CREG2: variants seen among roughly 807,000 people sequenced by gnomAD.
CREG2 encodes cellular repressor of E1A stimulated genes 2, also known as protein CREG2.
A neutral mutation model predicts 26.2 loss-of-function variants in CREG2; 24 were observed. The ratio of observed to expected loss-of-function variants is 0.92; its 90% CI spans 0.66 to 1.29. The LOEUF (loss-of-function observed/expected upper bound fraction) is 1.29. Ranked by LOEUF, CREG2 falls within the 50% of genes most tolerant of loss-of-function variation. CREG2 has a pLI of 0.00. For missense variants in CREG2, 366 were observed against 398.6 expected (o/e 0.92, Z 0.70); for synonymous variants, 174 against 169.2 (o/e 1.03, Z -0.22).
chr2:101,355,886 T>G (rs1684450661), intron 2 of CREG2, among the ~76,000 whole-genome samples: 1 of 152,134 alleles, frequency 6.6e-6, no homozygotes, highest in African/African-American at 2.4e-5. Context: ...TTTTAGTGGT[T>G]GCCGTCAGTG....
chr2:101,359,945 G>T (rs1377084148), intron 2 of CREG2, among the ~76,000 whole-genome samples: 1 of 152,136 alleles, frequency 6.6e-6, no homozygotes, highest in African/African-American at 2.4e-5. Context: ...GCAACTTTAG[G>T]TCTGCAATCT....
rs1418148827 is a variant in CREG2, at chr2:101,349,422, A to C, written c.*1501T>G. 2.0e-5 allele frequency: 3 copies of C among 152,802 alleles called. No individual in the cohort carries two copies. The highest frequency in any genetic ancestry group is 4.4e-5 in the Non-Finnish European group (3 of 68,036). The allele number at this position is 152,802 out of a possible 1,614,324, so 9.5% of individuals were successfully genotyped here. A position where few individuals can be genotyped will look rare whatever the true frequency, so the allele number is the denominator to read the frequency against. On this transcript the variant is annotated 3_prime_UTR_variant, in exon 4 of 4. Coordinates refer to ENST00000324768, the MANE Select transcript of CREG2 (RefSeq NM_153836.4). ...CTCGTCGTATGTTATTTTGTTAAGCAAAAGTTCATAATCATTAATAACACT... is the reference window on the plus strand; with the variant it reads ...CTCGTCGTATGTTATTTTGTTAAGCCAAAGTTCATAATCATTAATAACACT...
chr2:101,365,926 C>G (rs1356696956), intron 2 of CREG2, among the ~76,000 whole-genome samples: 1 of 152,118 alleles, frequency 6.6e-6, no homozygotes, highest in Non-Finnish European at 1.5e-5. Flanking sequence ...TGGTCATTCA[C>G]CCAATTGTTC....
At position 101,348,088 on chromosome 2, in the gene CREG2, T is replaced by C. The variant is rs1684329595; in HGVS notation, c.*2835A>G. 6.6e-6 allele frequency: 1 copy of C among 152,234 alleles called. No homozygotes were observed. The highest frequency in any genetic ancestry group is 2.4e-5 in the African/African-American group (1 of 41,470). The allele number at this position is 152,234 out of a possible 1,614,324, so 9.4% of individuals were successfully genotyped here. ...CTCTGTTGAATTAGTTTTGTACTTT[T>C]GTAAAAGAAAATCAGTTGAGCATAT... On this transcript the variant is annotated 3_prime_UTR_variant, in exon 4 of 4. Coordinates refer to ENST00000324768, the MANE Select transcript of CREG2 (RefSeq NM_153836.4).
chr2:101,360,689 G>A (rs1456335734), intron 2 of CREG2, among the ~76,000 whole-genome samples: 1 of 151,224 alleles, frequency 6.6e-6, no homozygotes, highest in African/African-American at 2.4e-5. Context: ...AGCGAGCAGA[G>A]ATTGTACCAC....
intron 3 of CREG2, among the ~76,000 whole-genome samples, chr2:101,352,534 G>A (rs151123748): frequency 7.2e-5 from 11 of 152,324 alleles, no homozygotes; most frequent in African/African-American, 1.7e-4. Flanking sequence ...CTGGCTGGGC[G>A]TAGTGGTTCA....
rs1056863180 is a variant in CREG2 at position 101,380,955 on chromosome 2, G to C, written c.611+2578C>G. On this transcript the variant is annotated intron_variant, in intron 2 of 3. Transcript: ENST00000324768. ...GAGACTCCATCTCAAAAAAAAAAAT[G>C]CTGTTGCAAGTTTTCCAGTGCACAG... Among the ~76,000 whole-genome samples the C allele has an allele frequency of 2.0e-5, 3 of 150,280 alleles. No homozygotes were observed. In the South Asian group the frequency reaches 6.4e-4, roughly 32 times the overall value.
Position 101,351,076 on chromosome 2 carries a change from G to A in CREG2, c.726-6C>T. The A allele has an allele frequency of 6.2e-7, 1 of 1,613,368 alleles. No homozygotes were observed. The highest frequency in any genetic ancestry group is 8.5e-7 in the Non-Finnish European group (1 of 1,179,686). On this transcript the variant is annotated splice_region_variant and splice_polypyrimidine_tract_variant and intron_variant, in intron 3 of 3. Coordinates refer to ENST00000324768, the MANE Select transcript of CREG2 (RefSeq NM_153836.4). ...ACTTCCTCATCCCTGGGTGCCTGCA[G>A]GAATAAAGAGAGACCACAGTAAAGC...
chr2:101,364,610 G>A (rs1487944573), intron 2 of CREG2, among the ~76,000 whole-genome samples: 1 of 152,166 alleles, frequency 6.6e-6, no homozygotes, highest in East Asian at 1.9e-4. Flanking sequence ...TTTAAAAAAG[G>A]GCTCTTACTG....
intron 3 of CREG2, among the ~76,000 whole-genome samples, chr2:101,353,674 T>C (rs1411026059): frequency 1.3e-5 from 2 of 152,200 alleles, no homozygotes; most frequent in African/African-American, 4.8e-5. Context: ...CGTATGTTTA[T>C]TGCAGCACTA....
intron 2 of CREG2, among the ~76,000 whole-genome samples, chr2:101,374,550 A>T (rs1322299106): frequency 6.6e-6 from 1 of 152,254 alleles, no homozygotes; most frequent in African/African-American, 2.4e-5. Context: ...CAGTTTCTAT[A>T]ACCGATTAGG....
intron 2 of CREG2, among the ~76,000 whole-genome samples, chr2:101,371,825 AG>A (rs1295283658): frequency 1.3e-5 from 2 of 152,154 alleles, no homozygotes. Context: ...TTTCAGAGGG[AG>A]GAGCCTTGGA....
chr2:101,386,114 G>A (rs1684963403), intron 1 of CREG2, among the ~76,000 whole-genome samples: 1 of 152,204 alleles, frequency 6.6e-6, no homozygotes, highest in Admixed American at 6.5e-5. Context: ...CATTTAGGTA[G>A]TTTTTAAGCA....
At chr2:101,372,306 C>A (rs1227998327) in intron 2 of CREG2, among the ~76,000 whole-genome samples, 2 of 152,200 alleles carry the variant, frequency 1.3e-5, no homozygotes, top group African/African-American at 4.8e-5. Context: ...ATAGTAAGTG[C>A]TCAGTAAATC....
rs748123128 is a variant in CREG2, at chr2:101,383,670, G to T, written c.474C>A (p.Pro158=). 9 of 1,610,662 alleles carry T rather than the reference G, an allele frequency of 5.6e-6. No homozygotes were observed. Among genetic ancestry groups the T allele is most frequent in the Non-Finnish European group, 7.6e-6 (9 of 1,178,166 alleles). ...IQGLPFGNCL[P]VSDGPFNNST... ...TATTGTTGAAGGGGCCATCACTGAC[G>T]GGCAGGCAGTTCCCAAATGGCAGTC... Residue 158 remains proline, a synonymous_variant, in exon 2 of 4, where the codon CCC becomes CCA. Transcript: ENST00000324768.
At chr2:101,355,501 T>C (rs1684443170) in intron 2 of CREG2, 135 bp from the exon 3 acceptor site, 1 of 626,762 alleles carries the variant, frequency 1.6e-6, no homozygotes, top group Admixed American at 2.5e-5. Flanking sequence ...TTCCTGGTTA[T>C]ATCATTCAGG....
intron 2 of CREG2, among the ~76,000 whole-genome samples, chr2:101,366,952 G>A (rs184140345): frequency 1.4e-4 from 22 of 152,252 alleles, no homozygotes; most frequent in African/African-American, 2.4e-4. Flanking sequence ...GAGGATGTGC[G>A]TAGGTTATAT....
intron 2 of CREG2, among the ~76,000 whole-genome samples, chr2:101,364,518 C>T (rs980005157): frequency 4.6e-5 from 7 of 152,118 alleles, no homozygotes; most frequent in African/African-American, 1.4e-4. Flanking sequence ...TGAGTTGCCT[C>T]GTGTGATTTC....
At chr2:101,376,998 T>C (rs1050911561) in intron 2 of CREG2, among the ~76,000 whole-genome samples, 9 of 152,238 alleles carry the variant, frequency 5.9e-5, no homozygotes, top group Non-Finnish European at 1.0e-4. Context: ...AGCTTCTGAA[T>C]ATAGAGAAGT....
Sources: allele counts gnomAD v4.1 joint callset (sites outside exome capture counted in the v4.1 genomes callset), GRCh38; gene constraint gnomAD v4.1.1; transcripts MANE v1.5; gene names NCBI Gene and HGNC (gene_info 2026-07-23, HGNC 2026-07-21).